Variants in FAM135B observed in about 807,000 individuals in gnomAD.
FAM135B encodes the protein protein FAM135B.
Under a neutral mutation model 127.7 loss-of-function variants are expected in FAM135B, and 43 were observed. The ratio of observed to expected loss-of-function variants is 0.34; its 90% CI spans 0.26 to 0.43. FAM135B has a LOEUF of 0.43. Ranked by LOEUF, FAM135B falls within the 20% of genes least tolerant of loss-of-function variation. The pLI is 1.00. For missense variants in FAM135B, 1,558 were observed against 1,725.6 expected (o/e 0.90, Z 1.72); for synonymous variants, 670 against 665.1 (o/e 1.01, Z -0.11).
rs937627473 is a variant in FAM135B at position 138,426,140 on chromosome 8, A to G, written c.-19-58138T>C. 3.1e-4 allele frequency among the ~76,000 whole-genome samples: 46 copies of G among 148,028 alleles called. 3 individuals are homozygous for G. Among genetic ancestry groups the G allele is most frequent in the South Asian group, 1.1e-3 (5 of 4,636 alleles). ...CATATGTGTGTGTGTGTGTGTGTGT[A>G]TATATATATATAATGCTAAGCACAA... On this transcript the variant is annotated intron_variant, in intron 1 of 19. Transcript: ENST00000395297.
chr8:138,141,544 C>T lies in FAM135B; in HGVS notation c.3639-195G>A, dbSNP rs573370627. ...GGCCATGAGAAGCCTGAGATGGGGTCTTTGTGAATGGGAGCTTTGTGCCCA... is the reference window on the plus strand; with the variant it reads ...GGCCATGAGAAGCCTGAGATGGGGTTTTTGTGAATGGGAGCTTTGTGCCCA... On this transcript the variant is annotated intron_variant, in intron 16 of 19. Transcript: ENST00000395297. This position sits in a 1 kb window ranked among gnomAD's most constrained non-coding sequence, Gnocchi z 4.7. Among the ~76,000 whole-genome samples the T allele has an allele frequency of 6.6e-6, 1 of 152,312 alleles. No homozygotes were observed. Among genetic ancestry groups the T allele is most frequent in the East Asian group, 1.9e-4 (1 of 5,174 alleles).
At chr8:138,289,321 G>GC (rs1824927995) in intron 3 of FAM135B, among the ~76,000 whole-genome samples, 1 of 152,058 alleles carries the variant, frequency 6.6e-6, no homozygotes, top group Admixed American at 6.6e-5. Context: ...CCTCATCTTT[G>GC]CCCCTCAGAA....
At chr8:138,145,523 A>G (rs1475214162) in intron 15 of FAM135B, among the ~76,000 whole-genome samples, 1 of 152,150 alleles carries the variant, frequency 6.6e-6, no homozygotes, top group Non-Finnish European at 1.5e-5. Flanking sequence ...AAAATGGGGA[A>G]ACAGGTACGG....
chr8:138,407,824 C>T (rs7831036), intron 1 of FAM135B, among the ~76,000 whole-genome samples: 58,666 of 151,888 alleles, frequency 0.39, 11,898 homozygotes, highest in African/African-American at 0.52. Context: ...AACCTAGGCA[C>T]TACCATTCAG....
rs769730837 is a variant in FAM135B, at chr8:138,153,010, G to T, written c.1465C>A (p.Gln489Lys). 6.2e-7 allele frequency: 1 copy of T among 1,614,176 alleles called. No homozygotes were observed. Among genetic ancestry groups the T allele is most frequent in the Non-Finnish European group, 8.5e-7 (1 of 1,180,038 alleles). The change falls in exon 13 of 20, where the codon CAA becomes AAA. Residue 489 changes from glutamine (Q) to lysine (K), a missense_variant. Coordinates refer to ENST00000395297, the MANE Select transcript of FAM135B (RefSeq NM_015912.4). ...TCAGAGCACATGTCCATATGATTTT[G>T]TGTGGCCACATTCTCACCTGGCTCT... is the stretch of plus-strand genomic sequence containing the variant. ...CPEPGENVATQNHMDMCSESQ... is the reference protein window; with the variant it reads ...CPEPGENVATKNHMDMCSESQ...
Position 138,339,358 on chromosome 8 carries a change from AATATATATAT to A in FAM135B, c.78-28448_78-28439del, listed in dbSNP as rs143774221. ...TGCATCCTGTTTAAAAAACTAACTA[AATATATATAT>A]ATATATATATATATATTTTAAAATC... On this transcript the variant is annotated intron_variant, in intron 2 of 19. Transcript: ENST00000395297. 1.5e-3 allele frequency among the ~76,000 whole-genome samples: 227 copies of A among 147,646 alleles called. 8 individuals are homozygous for A. Among genetic ancestry groups the A allele is most frequent in the African/African-American group, 9.7e-4 (38 of 39,134 alleles).
At chr8:138,254,749 A>AGGG (rs1436030027) in intron 5 of FAM135B, among the ~76,000 whole-genome samples, 1 of 152,146 alleles carries the variant, frequency 6.6e-6, no homozygotes, top group Non-Finnish European at 1.5e-5. Flanking sequence ...GTCCAGATAG[A>AGGG]GACAAAAGTG....
intron 3 of FAM135B, among the ~76,000 whole-genome samples, chr8:138,297,358 C>T (rs934897005): frequency 6.6e-6 from 1 of 152,198 alleles, no homozygotes; most frequent in Non-Finnish European, 1.5e-5. Flanking sequence ...TGCTCATATG[C>T]AGAAACTAAG....
intron 1 of FAM135B, among the ~76,000 whole-genome samples, chr8:138,459,783 G>A (rs1263979547): frequency 2.0e-5 from 3 of 152,028 alleles, no homozygotes; most frequent in African/African-American, 2.4e-5. Context: ...TCCAAGCTAT[G>A]GCAAAGGGAA....
intron 1 of FAM135B, among the ~76,000 whole-genome samples, chr8:138,391,982 C>T (rs768400043): frequency 6.6e-6 from 1 of 152,154 alleles, no homozygotes; most frequent in Non-Finnish European, 1.5e-5. Flanking sequence ...TCTCTCTCAC[C>T]TCTTTGACCA....
At chr8:138,302,638 G>T (rs147111617) in intron 3 of FAM135B, among the ~76,000 whole-genome samples, 33 of 152,300 alleles carry the variant, frequency 2.2e-4, no homozygotes, top group Middle Eastern at 3.4e-3. Flanking sequence ...GACACCACAA[G>T]TCAGTTGTGC....
chr8:138,223,071 C>A (rs1176943842), intron 7 of FAM135B, among the ~76,000 whole-genome samples: 2 of 152,276 alleles, frequency 1.3e-5, no homozygotes, highest in East Asian at 3.9e-4. Context: ...CCACACTGGT[C>A]TTCTGTAGCT....
intron 2 of FAM135B, among the ~76,000 whole-genome samples, chr8:138,359,816 A>T (rs1587225720): frequency 6.6e-6 from 1 of 152,192 alleles, no homozygotes; most frequent in African/African-American, 2.4e-5. Flanking sequence ...GATGGGACAC[A>T]TCAGGTAGAA....
At chr8:138,495,670 C>T (rs1746562941) in intron 1 of FAM135B, among the ~76,000 whole-genome samples, 2 of 152,118 alleles carry the variant, frequency 1.3e-5, no homozygotes, top group Admixed American at 1.3e-4. Context: ...TTCCTTCTTC[C>T]GGGGCCCTGG....
At position 138,137,187 on chromosome 8, in the gene FAM135B, C is replaced by T. The variant is rs867092020; in HGVS notation, c.3975G>A (p.Arg1325=). The T allele has an allele frequency of 3.1e-6, 5 of 1,610,492 alleles. No individual in the cohort carries two copies. Among genetic ancestry groups the T allele is most frequent in the Non-Finnish European group, 4.2e-6 (5 of 1,176,626 alleles). ...QDRYVPFHSA[R]IEMCKTALKD... Reference sequence around the variant, plus strand: ...TGAGGGCAGTTTTACACATTTCAATCCTGGCTGAATGAAATGGCACATAAC... The same window carrying T: ...TGAGGGCAGTTTTACACATTTCAATTCTGGCTGAATGAAATGGCACATAAC... The change falls in exon 19 of 20, where the codon AGG becomes AGA. Residue 1325 remains arginine, a synonymous_variant. Transcript: ENST00000395297.
intron 1 of FAM135B, among the ~76,000 whole-genome samples, chr8:138,483,403 G>A (rs1004139954): frequency 6.6e-6 from 1 of 152,200 alleles, no homozygotes; most frequent in African/African-American, 2.4e-5. Context: ...CCAAGCTGGG[G>A]TCTTAGCCAA....
At chr8:138,305,078 C>T (rs926073126) in intron 3 of FAM135B, among the ~76,000 whole-genome samples, 3 of 152,172 alleles carry the variant, frequency 2.0e-5, no homozygotes, top group African/African-American at 7.2e-5. Context: ...TATTTAGGTG[C>T]TTTAATGGAC....
At chr8:138,407,599 T>C (rs1191814137) in intron 1 of FAM135B, among the ~76,000 whole-genome samples, 1 of 152,090 alleles carries the variant, frequency 6.6e-6, no homozygotes, top group Non-Finnish European at 1.5e-5. Flanking sequence ...TCAGAAATAA[T>C]GCTGCATACC....
At chr8:138,177,530 G>A (rs1814590809) in intron 10 of FAM135B, 110 bp from the exon 11 acceptor site, 1 of 958,910 alleles carries the variant, frequency 1.0e-6, no homozygotes, top group Non-Finnish European at 1.6e-6. Flanking sequence ...CTAATAGGAA[G>A]AGAGCCAGGC....
Sources: gnomAD v4.1 joint callset for allele counts (sites outside exome capture counted in the v4.1 genomes callset) on GRCh38, gnomAD v4.1.1 for gene constraint, Gnocchi (gnomAD v3.1) non-coding constraint, MANE v1.5 for transcripts, NCBI Gene and HGNC (gene_info 2026-07-23, HGNC 2026-07-21) for gene names.